The following PCDHGA2 variants were observed in gnomAD, a reference collection of about 807,000 sequenced individuals.
The protein encoded by PCDHGA2 is protocadherin gamma-A2.
Under a neutral mutation model 59.2 loss-of-function variants are expected in PCDHGA2, and 40 were observed. The observed-to-expected ratio is 0.68, with a 90% confidence interval of 0.52 to 0.88. The LOEUF is 0.88. Among genes scored for constraint, PCDHGA2 ranks in the 40% least tolerant of loss-of-function variants. The pLI is 0.00. For synonymous variants in PCDHGA2, 560 were observed against 526.0 expected, an observed-to-expected ratio of 1.06 and a Z score of -0.89; for missense variants, 1,226 against 1,204.0, an observed-to-expected ratio of 1.02 and a Z score of -0.27.
rs780788394 is a variant in PCDHGA2 at position 141,491,675 on chromosome 5, C to T, written c.2425-3132C>T. ...GAGCCTGACGCCATCCGGTCCCGCT[C>T]TAATACGCTGCGGGAGCGGAGCCAG... On this transcript the variant is annotated intron_variant, in intron 1 of 3. Transcript: ENST00000394576. The surrounding 1 kb of genome is among the most constrained non-coding windows in gnomAD (Gnocchi z 6.9). 6 of 1,613,450 alleles carry T rather than the reference C, an allele frequency of 3.7e-6. No homozygotes were observed. The African/African-American group carries it at 8.0e-5, about 22-fold the overall frequency.
chr5:141,398,704 G>A (rs1044524998), intron 1 of PCDHGA2: 9 of 1,613,808 alleles, frequency 5.6e-6, no homozygotes, highest in Non-Finnish European at 7.6e-6. Flanking sequence ...TAAATACCCG[G>A]AACTGGCACT....
chr5:141,403,259 C>G, intron 1 of PCDHGA2: 1 of 1,613,866 alleles, frequency 6.2e-7, no homozygotes, highest in South Asian at 1.1e-5. Context: ...CCCGCGGTGT[C>G]TGGTGAACTT....
chr5:141,466,014 C>T (rs962233749), intron 1 of PCDHGA2, among the ~76,000 whole-genome samples: 75 of 151,848 alleles, frequency 4.9e-4, no homozygotes, highest in African/African-American at 1.2e-3. Flanking sequence ...CCCAGCTACT[C>T]GGGAGGGTGA....
At chr5:141,394,021 GA>G (rs2092902279) in intron 1 of PCDHGA2, 1 of 1,613,362 alleles carries the variant, frequency 6.2e-7, no homozygotes, top group Non-Finnish European at 8.5e-7. Context: ...AATTATTATA[GA>G]TTAGTGACAA....
chr5:141,345,223 C>T (rs1364128998), intron 1 of PCDHGA2: 5 of 1,613,810 alleles, frequency 3.1e-6, no homozygotes, highest in Non-Finnish European at 4.2e-6. Flanking sequence ...TTAGAAAAAT[C>T]AATAGATCAA....
intron 1 of PCDHGA2, chr5:141,361,769 A>G: frequency 1.2e-6 from 2 of 1,613,144 alleles, no homozygotes; most frequent in Middle Eastern, 1.7e-4. Context: ...CTCAGCGCCA[A>G]CGTGAGCCTG....
At chr5:141,361,906 G>T in intron 1 of PCDHGA2, 3 of 1,609,144 alleles carry the variant, frequency 1.9e-6, no homozygotes, top group Non-Finnish European at 2.5e-6. Flanking sequence ...GGTGACCAAG[G>T]TGGTGGCGGT....
At chr5:141,389,161 G>A (rs2091630816) in intron 1 of PCDHGA2, 1 of 1,613,878 alleles carries the variant, frequency 6.2e-7, no homozygotes, top group African/African-American at 1.3e-5. Flanking sequence ...ACAGATCGGG[G>A]CAAGCCTCCC....
chr5:141,415,704 T>C (rs1262137262), intron 1 of PCDHGA2: 1 of 1,344,464 alleles, frequency 7.4e-7, no homozygotes, highest in South Asian at 1.3e-5. Context: ...GTGTAAATGC[T>C]AAAACACTGA....
Position 141,476,962 on chromosome 5 carries a change from C to T in PCDHGA2, c.2425-17845C>T. The stretch of plus-strand genomic sequence containing the variant: ...GCCCCAACGGTGAAATTATTTACTC[C>T]TTCGGCAGCCACAACCGCGCCGGCG... On this transcript the variant is annotated intron_variant, in intron 1 of 3. Coordinates refer to ENST00000394576, the MANE Select transcript of PCDHGA2 (RefSeq NM_018915.4). The surrounding 1 kb of genome is among the most constrained non-coding windows in gnomAD (Gnocchi z 7.6). 6.2e-7 allele frequency: 1 copy of T among 1,614,200 alleles called. No homozygotes were observed. Among genetic ancestry groups the T allele is most frequent in the South Asian group, 1.1e-5 (1 of 91,090 alleles).
intron 1 of PCDHGA2, chr5:141,357,069 A>C (rs777295000): frequency 6.2e-7 from 1 of 1,613,964 alleles, no homozygotes; most frequent in Non-Finnish European, 8.5e-7. Context: ...GGCTGCACAC[A>C]GGCGAGGTGC....
chr5:141,470,323 A>C (rs1029928511), intron 1 of PCDHGA2, among the ~76,000 whole-genome samples: 1 of 152,188 alleles, frequency 6.6e-6, no homozygotes, highest in African/African-American at 2.4e-5. Flanking sequence ...AAATGATCCC[A>C]TAATTTGACC....
intron 1 of PCDHGA2, chr5:141,410,252 C>T (rs3749768): frequency 0.048 from 77,060 of 1,613,996 alleles, 2,017 homozygotes; most frequent in South Asian, 0.077. Flanking sequence ...ACTCTCTGAC[C>T]CCCAGGCTGA....
intron 1 of PCDHGA2, chr5:141,372,254 C>A (rs776276298): frequency 5.6e-6 from 9 of 1,612,978 alleles, no homozygotes; most frequent in Admixed American, 1.7e-5. Flanking sequence ...TCAGCCTGGG[C>A]CTGCGCACGG....
At chr5:141,407,276 T>C (rs1393118660) in intron 1 of PCDHGA2, among the ~76,000 whole-genome samples, 2 of 152,292 alleles carry the variant, frequency 1.3e-5, no homozygotes, top group East Asian at 3.9e-4. Context: ...AACAAGAAAA[T>C]TGTTACAATT....
In PCDHGA2 at chr5:141,448,944, C is replaced by CAAAA. The variant is rs560691811; in HGVS notation, c.2425-45859_2425-45856dup. Among the ~76,000 whole-genome samples, 218 of 152,004 alleles carry CAAAA rather than the reference C, an allele frequency of 1.4e-3. 1 individual carries two copies. The highest frequency in any genetic ancestry group is 5.1e-3 in the African/African-American group (213 of 41,464). On this transcript the variant is annotated intron_variant, in intron 1 of 3. Coordinates refer to ENST00000394576, the MANE Select transcript of PCDHGA2 (RefSeq NM_018915.4). ...TGGGCGACAGAGCAAGACTGCAACTCAAAAAAACAAACAAACAAACAAAAA... is the reference window on the plus strand; with the variant it reads ...TGGGCGACAGAGCAAGACTGCAACTCAAAAAAAAAAACAAACAAACAAACAAAAA...
chr5:141,403,403 C>G (rs755177334), intron 1 of PCDHGA2: 2 of 1,614,066 alleles, frequency 1.2e-6, no homozygotes, highest in Non-Finnish European at 1.7e-6. Context: ...TCCTGGAGCA[C>G]GTTATCCACT....
chr5:141,501,328 CACA>C (rs2099808027), intron 2 of PCDHGA2, among the ~76,000 whole-genome samples: 1 of 151,710 alleles, frequency 6.6e-6, no homozygotes, highest in Non-Finnish European at 1.5e-5. Context: ...CACACACACA[CACA>C]CACCCCAAAC....
At chr5:141,448,573 A>AT (rs976781630) in intron 1 of PCDHGA2, among the ~76,000 whole-genome samples, 10 of 151,772 alleles carry the variant, frequency 6.6e-5, no homozygotes, top group East Asian at 5.8e-4. Flanking sequence ...TTATTTCCCC[A>AT]TTTTTTTTAC....
Sources: allele counts gnomAD v4.1 joint callset (sites outside exome capture counted in the v4.1 genomes callset), GRCh38; gene constraint gnomAD v4.1.1; non-coding constraint Gnocchi (gnomAD v3.1); transcripts MANE v1.5; gene names NCBI Gene and HGNC (gene_info 2026-07-23, HGNC 2026-07-21).